TMCC1: variants seen among roughly 807,000 people sequenced by gnomAD.
TMCC1 encodes the protein transmembrane and coiled-coil domain family 1.
In TMCC1, 15 loss-of-function variants were observed where a neutral mutation model predicts 52.4. The ratio of observed to expected loss-of-function variants is 0.29; its 90% CI spans 0.19 to 0.44. TMCC1 has a LOEUF of 0.44. Among genes scored for constraint, TMCC1 ranks in the 20% least tolerant of loss-of-function variants. TMCC1 has a pLI of 1.00. For missense variants in TMCC1, 503 were observed against 806.0 expected (o/e 0.62, Z 4.55); for synonymous variants, 279 against 301.9 (o/e 0.92, Z 0.79).
intron 3 of TMCC1, among the ~76,000 whole-genome samples, chr3:129,829,199 G>C (rs368568914): frequency 3.9e-5 from 6 of 152,242 alleles, no homozygotes; most frequent in African/African-American, 1.4e-4. Flanking sequence ...TCAGAGACTA[G>C]AGCTTTGCTC....
At position 129,776,243 on chromosome 3, in the gene TMCC1, A is replaced by C. The variant is rs1560393910; in HGVS notation, c.576+51560T>G. Among the ~76,000 whole-genome samples the C allele has an allele frequency of 3.3e-5, 5 of 152,246 alleles. No homozygotes were observed. In the South Asian group the frequency reaches 1.0e-3, roughly 31 times the overall value. ...ATTTATTCCCTACCATGTAAGTTCT[A>C]TGAGAAGAGAAATCTTGTTTATCTT... On this transcript the variant is annotated intron_variant, in intron 4 of 6. Transcript: ENST00000393238.
intron 4 of TMCC1, among the ~76,000 whole-genome samples, chr3:129,696,367 A>C (rs1025162301): frequency 6.6e-6 from 1 of 152,178 alleles, no homozygotes; most frequent in Non-Finnish European, 1.5e-5. Flanking sequence ...GTCTTTGTGG[A>C]CCAAACCAAT....
At chr3:129,756,100 GAA>G (rs764626470) in intron 4 of TMCC1, among the ~76,000 whole-genome samples, 2 of 50,296 alleles carry the variant, frequency 4.0e-5, no homozygotes, top group African/African-American at 7.8e-5. Flanking sequence ...TCCATCTCAA[GAA>G]AAAAAAAAAA....
chr3:129,718,518 T>A (rs1419003818), intron 4 of TMCC1, among the ~76,000 whole-genome samples: 1 of 152,200 alleles, frequency 6.6e-6, no homozygotes, highest in East Asian at 1.9e-4. Context: ...TACCATGAGA[T>A]GCGTAAGAAG....
chr3:129,822,756 A>C (rs2058479798), intron 4 of TMCC1, among the ~76,000 whole-genome samples: 1 of 152,178 alleles, frequency 6.6e-6, no homozygotes, highest in Non-Finnish European at 1.5e-5. Flanking sequence ...CAGGTTTTTA[A>C]CATCTCTGGA....
intron 6 of TMCC1, among the ~76,000 whole-genome samples, chr3:129,653,642 C>T (rs1217703944): frequency 6.6e-6 from 1 of 152,220 alleles, no homozygotes; most frequent in South Asian, 2.1e-4. Flanking sequence ...TGGGGTTTCA[C>T]CGTGTTAGGA....
chr3:129,891,244 A>G (rs2061952387), intron 1 of TMCC1, among the ~76,000 whole-genome samples: 1 of 152,194 alleles, frequency 6.6e-6, no homozygotes, highest in Admixed American at 6.5e-5. Context: ...TTCATAATTC[A>G]TATTAGGGGT....
At chr3:129,790,453 G>A (rs1381076186) in intron 4 of TMCC1, among the ~76,000 whole-genome samples, 1 of 152,144 alleles carries the variant, frequency 6.6e-6, no homozygotes, top group African/African-American at 2.4e-5. Context: ...TTTCAGTTAT[G>A]TAATTTAAAA....
chr3:129,771,540 G>A (rs1017408134), intron 4 of TMCC1, among the ~76,000 whole-genome samples: 13 of 151,836 alleles, frequency 8.6e-5, no homozygotes, highest in Middle Eastern at 3.2e-3. Context: ...CCTGGGAGGC[G>A]GAGGTAGGTG....
chr3:129,846,682 A>C (rs2059679199), intron 2 of TMCC1, among the ~76,000 whole-genome samples: 1 of 152,072 alleles, frequency 6.6e-6, no homozygotes, highest in Non-Finnish European at 1.5e-5. Context: ...GAAATCCAAG[A>C]GTTAAAACAA....
chr3:129,877,590 C>T (rs1434223146), intron 2 of TMCC1, among the ~76,000 whole-genome samples: 1 of 148,812 alleles, frequency 6.7e-6, no homozygotes, highest in African/African-American at 2.4e-5. Flanking sequence ...ATTCCAGATT[C>T]ATAAACCCAA....
At chr3:129,714,908 C>T (rs2048955010) in intron 4 of TMCC1, among the ~76,000 whole-genome samples, 1 of 152,178 alleles carries the variant, frequency 6.6e-6, no homozygotes, top group Non-Finnish European at 1.5e-5. Flanking sequence ...AATTAAAGGG[C>T]ACACTGTAAT....
rs532469473 is a variant in TMCC1, at chr3:129,837,918, G to C, written c.-183-5092C>G. ...AGTAGACTTGAAACAGCTGAAAAAA[G>C]AATCAGTAAACTTGAAAATAGGCTA... On this transcript the variant is annotated intron_variant, in intron 2 of 6. Coordinates refer to ENST00000393238, the MANE Select transcript of TMCC1 (RefSeq NM_001017395.5). 9.9e-5 allele frequency among the ~76,000 whole-genome samples: 15 copies of C among 152,218 alleles called. No individual in the cohort carries two copies. The South Asian group carries it at 3.1e-3, about 32-fold the overall frequency.
rs754399745 is a variant in TMCC1 at position 129,773,767 on chromosome 3, A to G, written c.576+54036T>C. 2.6e-5 allele frequency among the ~76,000 whole-genome samples: 4 copies of G among 152,276 alleles called. No homozygotes were observed. The South Asian group carries it at 6.2e-4, about 24-fold the overall frequency. On this transcript the variant is annotated intron_variant, in intron 4 of 6. Transcript: ENST00000393238. The stretch of plus-strand genomic sequence containing the variant: ...TGAGACCAGCCAGGGCAATATAGTG[A>G]GACCCTGTCTCTACCAAAAATTTAA...
chr3:129,652,461 G>A (rs577546305), intron 6 of TMCC1, among the ~76,000 whole-genome samples: 1 of 152,130 alleles, frequency 6.6e-6, no homozygotes, highest in South Asian at 2.1e-4. Context: ...TGGCACAAAT[G>A]ACCAGCATTA....
chr3:129,709,206 C>CA (rs1269301207), intron 4 of TMCC1, among the ~76,000 whole-genome samples: 2 of 151,974 alleles, frequency 1.3e-5, no homozygotes, highest in Non-Finnish European at 2.9e-5. Flanking sequence ...CTCATGCCTG[C>CA]AATCCTAGCA....
chr3:129,887,884 T>C (rs552718288), intron 1 of TMCC1, among the ~76,000 whole-genome samples: 91 of 152,298 alleles, frequency 6.0e-4, no homozygotes, highest in African/African-American at 2.1e-3. Flanking sequence ...AACTTTAATG[T>C]GTGCAAATTC....
At chr3:129,858,900 T>C (rs923005778) in intron 2 of TMCC1, among the ~76,000 whole-genome samples, 3 of 152,232 alleles carry the variant, frequency 2.0e-5, no homozygotes, top group East Asian at 1.9e-4. Flanking sequence ...ATTTAAGATT[T>C]CTTCTGATAG....
intron 4 of TMCC1, among the ~76,000 whole-genome samples, chr3:129,772,894 T>G (rs533619562): frequency 9.2e-5 from 14 of 152,146 alleles, no homozygotes; most frequent in African/African-American, 3.4e-4. Context: ...CAACCTACTC[T>G]GTTGGTAAAA....
Sources: allele counts gnomAD v4.1 joint callset (sites outside exome capture counted in the v4.1 genomes callset), GRCh38; gene constraint gnomAD v4.1.1; transcripts MANE v1.5; gene names NCBI Gene and HGNC (gene_info 2026-07-23, HGNC 2026-07-21).